Variants in XRCC3 observed in about 807,000 individuals in gnomAD.
XRCC3 encodes the protein DNA repair protein XRCC3.
In XRCC3, 34 loss-of-function variants were observed where a neutral mutation model predicts 29.2. The ratio of observed to expected loss-of-function variants is 1.16; its 90% CI spans 0.88 to 1.55. The LOEUF is 1.55. Among genes scored for constraint, XRCC3 ranks in the 40% most tolerant of loss-of-function variants. XRCC3 has a pLI of 0.00. For missense variants in XRCC3, 463 were observed against 467.6 expected (o/e 0.99, Z 0.09); for synonymous variants, 223 against 211.3 (o/e 1.06, Z -0.48).
intron 6 of XRCC3, chr14:103,703,544 G>A (rs2083316734): frequency 1.7e-6 from 1 of 594,364 alleles, no homozygotes; most frequent in Non-Finnish European, 3.0e-6. Flanking sequence ...AATATGGGCT[G>A]GGTCTCCACT....
intron 4 of XRCC3, 32 bp from the exon 5 acceptor site, chr14:103,708,691 G>A: frequency 1.2e-6 from 2 of 1,613,686 alleles, no homozygotes; most frequent in South Asian, 1.1e-5. Flanking sequence ...ACAGGAAAAT[G>A]TCAGACTGTC....
intron 6 of XRCC3, chr14:103,704,971 C>G (rs1275195693): frequency 6.6e-6 from 1 of 152,244 alleles, no homozygotes; most frequent in Non-Finnish European, 1.5e-5. Context: ...CCAGTGCCCC[C>G]ACGCCGTGTC....
chr14:103,711,466 C>T lies in XRCC3; in HGVS notation c.-159G>A. 2.0e-6 allele frequency: 1 copy of T among 488,986 alleles called. No homozygotes were observed. Among genetic ancestry groups the T allele is most frequent in the South Asian group, 1.5e-5 (1 of 64,898 alleles). The allele number at this position is 488,986 out of a possible 1,614,324, so 30.3% of individuals were successfully genotyped here. A position where few individuals can be genotyped will look rare whatever the true frequency, so the allele number is the denominator to read the frequency against. ...CAGTTGAGTGCCCTGCCCGACTCAC[C>T]TCTCTGGGGCTTGGGGATGACCCGC... On this transcript the variant is annotated splice_region_variant and 5_prime_UTR_variant, in exon 3 of 10. In the 5' UTR this introduces an upstream ATG that the reference lacks. Transcript: ENST00000555055.
rs752288087 is a variant in XRCC3 at position 103,707,108 on chromosome 14, C to T, written c.301G>A (p.Gly101Ser). 1.2e-5 allele frequency: 18 copies of T among 1,551,478 alleles called. No individual in the cohort carries two copies. In the South Asian group the frequency reaches 1.3e-4, roughly 11 times the overall value. The stretch of plus-strand genomic sequence containing the variant: ...CTGCGTCCGGCCAGCTCAGTGATGC[C>T]GTCCAGGGGCAGGCCACCGCGGAGC... ...ALLRGGLPLD[G>S]ITELAGRSSA... The change falls in exon 6 of 10, where the codon GGC becomes AGC. Residue 101 changes from glycine to serine, a missense_variant. By Grantham distance (56) the Gly-to-Ser change is moderately conservative. Coordinates refer to ENST00000555055, the MANE Select transcript of XRCC3 (RefSeq NM_005432.4).
rs1357711103 is a variant in XRCC3, at chr14:103,699,036, G to A, written c.822-19C>T. On this transcript the variant is annotated intron_variant, in intron 9 of 9. Transcript: ENST00000555055. Reference sequence around the variant, plus strand: ...CCAGAACCTGAGAAACAGGAAGCAGGCAAGCTGGCGCTCAGGCTTGGTGGC... The same window carrying A: ...CCAGAACCTGAGAAACAGGAAGCAGACAAGCTGGCGCTCAGGCTTGGTGGC... The A allele has an allele frequency of 6.4e-7, 1 of 1,571,606 alleles. No individual in the cohort carries two copies. The highest frequency in any genetic ancestry group is 8.6e-7 in the Non-Finnish European group (1 of 1,158,140).
intron 7 of XRCC3, chr14:103,701,085 C>T (rs1238997342): frequency 1.1e-5 from 14 of 1,311,174 alleles, no homozygotes; most frequent in Middle Eastern, 1.8e-4. Flanking sequence ...CAGCAACACC[C>T]TCTTCTCTAG....
At chr14:103,715,155 G>A (rs936049336) in intron 1 of XRCC3, among the ~76,000 whole-genome samples, 1 of 152,110 alleles carries the variant, frequency 6.6e-6, no homozygotes, top group African/African-American at 2.4e-5. Context: ...CGCGCACCGG[G>A]GGCCCCGGAG....
At chr14:103,715,197 C>G (rs962366870) in intron 1 of XRCC3, among the ~76,000 whole-genome samples, 7 of 152,060 alleles carry the variant, frequency 4.6e-5, no homozygotes, top group Admixed American at 1.3e-4. Context: ...GCACGCGGCC[C>G]GGCCCCGGCG....
intron 6 of XRCC3, chr14:103,705,435 CG>C: frequency 6.6e-6 from 1 of 152,332 alleles, no homozygotes; most frequent in Non-Finnish European, 1.5e-5. Context: ...CAGCGGTGGG[CG>C]GGGCCCCAGC....
chr14:103,712,058 C>A (rs545032888), intron 2 of XRCC3: 1 of 307,764 alleles, frequency 3.2e-6, no homozygotes, highest in African/African-American at 2.2e-5. Context: ...GGCCTGGACA[C>A]GATCACGCTG....
chr14:103,708,750 T>TGA lies in XRCC3; in HGVS notation c.56-93_56-92dup. On this transcript the variant is annotated intron_variant, in intron 4 of 9. Coordinates refer to ENST00000555055, the MANE Select transcript of XRCC3 (RefSeq NM_005432.4). ...AAAAGGTGCTTTGTTAAGAGCACTG[T>TGA]GAGAGCACCGTGCTTCCGATTCTGG... 1.9e-6 allele frequency: 3 copies of TGA among 1,550,170 alleles called. No homozygotes were observed. The South Asian group carries it at 3.4e-5, about 18-fold the overall frequency.
At chr14:103,711,270 T>C (rs2151943606) in intron 3 of XRCC3, 25 bp from the exon 4 acceptor site, 1 of 697,620 alleles carries the variant, frequency 1.4e-6, no homozygotes, top group South Asian at 1.5e-5. Context: ...GACTTCACTG[T>C]AGAGGGAAGG....
intron 6 of XRCC3, chr14:103,704,013 CGTA>C (rs1394217257): frequency 6.4e-6 from 1 of 155,306 alleles, no homozygotes; most frequent in Non-Finnish European, 1.4e-5. Context: ...GAACGTCCAC[CGTA>C]GCACGTTTCA....
intron 5 of XRCC3, chr14:103,708,106 A>G (rs2083501606): frequency 3.0e-6 from 1 of 331,140 alleles, no homozygotes; most frequent in Admixed American, 4.3e-5. Flanking sequence ...GTCCAGGCGC[A>G]TGGGGTTCCC....
rs2082770817 is a variant in XRCC3, at chr14:103,698,530, C to T, written c.*268G>A. 2 of 522,198 alleles carry T rather than the reference C, an allele frequency of 3.8e-6. No homozygotes were observed. Among genetic ancestry groups the T allele is most frequent in the Admixed American group, 3.2e-5 (1 of 31,408 alleles). 32.3% of individuals were successfully genotyped at this position (522,198 alleles called of 1,614,324 possible). The stretch of plus-strand genomic sequence containing the variant: ...GGCTCCAGCCCTGAGAATCACCTCT[C>T]CCCAAGGGCCAGCTCAGCAGTGGGG... On this transcript the variant is annotated 3_prime_UTR_variant, in exon 10 of 10. Coordinates refer to ENST00000555055, the MANE Select transcript of XRCC3 (RefSeq NM_005432.4).
At chr14:103,706,162 C>G (rs2151936740) in intron 6 of XRCC3, 4 of 363,820 alleles carry the variant, frequency 1.1e-5, no homozygotes, top group South Asian at 8.1e-5. Context: ...AGCACTGAAG[C>G]TCAGGCAGGC....
At position 103,708,387 on chromosome 14, in the gene XRCC3, CTG is replaced by C. The variant is rs150082977; in HGVS notation, c.193+133_193+134del. The C allele has an allele frequency of 8.5e-4, 1,131 of 1,334,528 alleles. 7 individuals carry two copies. The East Asian group carries it at 0.018, about 21-fold the overall frequency. 82.7% of individuals were successfully genotyped at this position (1,334,528 alleles called of 1,614,324 possible). A position where few individuals can be genotyped will look rare whatever the true frequency, so the allele number is the denominator to read the frequency against. On this transcript the variant is annotated intron_variant, in intron 5 of 9. Coordinates refer to ENST00000555055, the MANE Select transcript of XRCC3 (RefSeq NM_005432.4). ...GTGTAGGACAAGCAAGATGGGAACT[CTG>C]GGGCTGGAGCAGCTGCCACACGCCC...
At chr14:103,703,647 T>C in intron 6 of XRCC3, 3 of 398,138 alleles carry the variant, frequency 7.5e-6, no homozygotes, top group South Asian at 4.4e-5. Context: ...TGCCCCTCCT[T>C]CCCCCTGTGA....
At chr14:103,711,292 C>T (rs1361941279) in intron 3 of XRCC3, 47 bp from the exon 4 acceptor site, 1 of 683,216 alleles carries the variant, frequency 1.5e-6, no homozygotes, top group African/African-American at 1.8e-5. Flanking sequence ...TGTCTAGCTA[C>T]ATCTAGGGCA....
Sources: gnomAD v4.1 joint callset for allele counts (sites outside exome capture counted in the v4.1 genomes callset) on GRCh38, gnomAD v4.1.1 for gene constraint, MANE v1.5 for transcripts, NCBI Gene and HGNC (gene_info 2026-07-23, HGNC 2026-07-21) for gene names.